The following ZBBX variants were observed in gnomAD, a reference collection of about 807,000 sequenced individuals.
ZBBX encodes zinc finger B-box domain containing.
Under a neutral mutation model 108.5 loss-of-function variants are expected in ZBBX, and 101 were observed. The observed-to-expected ratio is 0.93, with a 90% CI of 0.79 to 1.10. The LOEUF (loss-of-function observed/expected upper bound fraction) is 1.10, where lower values mean the gene tolerates loss of function less well. Ranked by LOEUF, ZBBX falls within the 50% of genes least tolerant of loss-of-function variation. ZBBX has a pLI of 0.00. For missense variants in ZBBX, 1,009 were observed against 941.4 expected (o/e 1.07, Z -0.94); for synonymous variants, 356 against 323.4 (o/e 1.10, Z -1.08).
intron 20 of ZBBX, among the ~76,000 whole-genome samples, chr3:167,280,396 C>A (rs970752573): frequency 3.3e-5 from 5 of 150,740 alleles, no homozygotes; most frequent in African/African-American, 7.3e-5. Context: ...TGAACTCAAA[C>A]AAATTTACAA....
chr3:167,274,253 T>C (rs1727072022), intron 20 of ZBBX, among the ~76,000 whole-genome samples: 1 of 152,166 alleles, frequency 6.6e-6, no homozygotes, highest in Non-Finnish European at 1.5e-5. Context: ...ATTTGGTAAA[T>C]GGAAAGGAGT....
At chr3:167,316,178 C>T (rs1354061469) in intron 14 of ZBBX, among the ~76,000 whole-genome samples, 2 of 152,082 alleles carry the variant, frequency 1.3e-5, no homozygotes, top group African/African-American at 2.4e-5. Context: ...TAATGAATGG[C>T]ATGCCCACAT....
chr3:167,317,223 C>T (rs1321413765), intron 13 of ZBBX, 118 bp from the exon 14 acceptor site: 28 of 667,714 alleles, frequency 4.2e-5, no homozygotes, highest in Non-Finnish European at 6.2e-5. Flanking sequence ...CACAAAAATA[C>T]AAATACTGTC....
the ZBBX span, among the ~76,000 whole-genome samples, chr3:167,214,856 G>A: frequency 5.7e-3 from 865 of 152,180 alleles, 12 homozygotes; most frequent in African/African-American, 0.02. Context: ...ATGCAATTAC[G>A]TGGAAAGTAA....
the ZBBX span, among the ~76,000 whole-genome samples, chr3:167,222,235 A>C: frequency 1.3e-4 from 19 of 150,298 alleles, no homozygotes. Context: ...AAAAAAAAAA[A>C]ATGAGATTCT....
chr3:167,397,768 G>T (rs1748296572), intron 1 of ZBBX, among the ~76,000 whole-genome samples: 1 of 150,242 alleles, frequency 6.7e-6, no homozygotes, highest in African/African-American at 2.4e-5. Context: ...CCTTTCAAAA[G>T]GAAAAATGTC....
At chr3:167,366,707 T>C in intron 5 of ZBBX, 1 of 385,374 alleles carries the variant, frequency 2.6e-6, no homozygotes, top group Admixed American at 3.2e-5. Context: ...AATGTAACTA[T>C]TCTGAAAACT....
At chr3:167,198,820 A>G in the ZBBX span, among the ~76,000 whole-genome samples, 1 of 152,240 alleles carries the variant, frequency 6.6e-6, no homozygotes, top group Non-Finnish European at 1.5e-5. Flanking sequence ...TCCAAGGATT[A>G]TCTTTGTCAC....
intron 20 of ZBBX, among the ~76,000 whole-genome samples, chr3:167,243,748 C>CTT (rs148483655): frequency 1.3e-3 from 95 of 70,824 alleles, no homozygotes; most frequent in African/African-American, 3.9e-3. Context: ...GTGGACTTGA[C>CTT]TTTTTTTTTT....
the ZBBX span, among the ~76,000 whole-genome samples, chr3:167,185,695 A>C: frequency 0.32 from 48,544 of 151,910 alleles, 8,183 homozygotes; most frequent in East Asian, 0.65. Flanking sequence ...TTGCCATTCC[A>C]GAATGTTACA....
rs56776810 is a variant in ZBBX at position 167,385,685 on chromosome 3, C to T, written c.-445-5280G>A. 5.8e-3 allele frequency among the ~76,000 whole-genome samples: 876 copies of T among 152,000 alleles called. 11 individuals are homozygous for T. Among genetic ancestry groups the T allele is most frequent in the African/African-American group, 0.02 (831 of 41,500 alleles). On this transcript the variant is annotated intron_variant, in intron 1 of 21. Coordinates refer to the ZBBX transcript ENST00000455345. The stretch of plus-strand genomic sequence containing the variant: ...CTATTTATTCCTTCTAATTTTAAAA[C>T]TGTTTTTGTTAAAAACTAAGACACA...
chr3:167,291,695 A>T (rs1477301263), intron 18 of ZBBX, among the ~76,000 whole-genome samples: 2 of 152,206 alleles, frequency 1.3e-5, no homozygotes, highest in Non-Finnish European at 2.9e-5. Context: ...GATCACATTC[A>T]CACATAACAA....
At chr3:167,207,777 T>C in the ZBBX span, among the ~76,000 whole-genome samples, 88,991 of 151,918 alleles carry the variant, frequency 0.59, 26,295 homozygotes, top group East Asian at 0.82. Flanking sequence ...AAATAGAGGT[T>C]TTCACCAGTC....
the ZBBX span, among the ~76,000 whole-genome samples, chr3:167,192,785 G>A: frequency 6.6e-6 from 1 of 152,140 alleles, no homozygotes; most frequent in East Asian, 1.9e-4. Context: ...TTCAGCAAAT[G>A]TATTTCTCAG....
At chr3:167,387,102 T>A (rs951156415) in intron 1 of ZBBX, among the ~76,000 whole-genome samples, 2 of 152,048 alleles carry the variant, frequency 1.3e-5, no homozygotes, top group Non-Finnish European at 2.9e-5. Context: ...ATATTACCCA[T>A]GTACCCATTT....
intron 8 of ZBBX, among the ~76,000 whole-genome samples, chr3:167,351,341 T>C (rs916663394): frequency 3.3e-5 from 5 of 152,174 alleles, no homozygotes; most frequent in Non-Finnish European, 7.4e-5. Flanking sequence ...GATGATTAAA[T>C]GCAGCTTGGG....
intron 9 of ZBBX, among the ~76,000 whole-genome samples, chr3:167,336,328 A>G (rs1046476799): frequency 6.6e-6 from 1 of 152,120 alleles, no homozygotes; most frequent in Non-Finnish European, 1.5e-5. Flanking sequence ...AGAATTCCAT[A>G]TTTGACTATC....
intron 9 of ZBBX, among the ~76,000 whole-genome samples, chr3:167,348,335 AG>A (rs1741947953): frequency 9.2e-6 from 1 of 108,854 alleles, no homozygotes; most frequent in Non-Finnish European, 1.9e-5. Context: ...AAAGAAAGAA[AG>A]AAAGAAAGAA....
In ZBBX at chr3:167,289,665, T is replaced by A. The variant is rs1576903241; in HGVS notation, c.1880-682A>T. ...GGGACCTTGGTTTCCAGCACGAAAC[T>A]GGGTGGCCACTTGAGCAGACACCGA... On this transcript the variant is annotated intron_variant, in intron 18 of 21. Coordinates refer to ENST00000675490, the MANE Select transcript of ZBBX (RefSeq NM_001199201.2). Among the ~76,000 whole-genome samples, 3 of 152,126 alleles carry A rather than the reference T, an allele frequency of 2.0e-5. No homozygotes were observed. In the South Asian group the frequency reaches 6.2e-4, roughly 32 times the overall value.
Sources: allele counts gnomAD v4.1 joint callset (sites outside exome capture counted in the v4.1 genomes callset), GRCh38; gene constraint gnomAD v4.1.1; transcripts MANE v1.5; gene names NCBI Gene and HGNC (gene_info 2026-07-23, HGNC 2026-07-21).